The following VSIG1 variants were observed in gnomAD, a reference collection of about 807,000 sequenced individuals.
VSIG1 encodes V-set and immunoglobulin domain containing 1, also known as V-set and immunoglobulin domain-containing protein 1.
In VSIG1, 11 loss-of-function variants were observed where a neutral mutation model predicts 20.1. That is an observed-to-expected ratio of 0.55 (90% CI 0.34 to 0.91). The LOEUF is 0.91. Ranked by LOEUF, VSIG1 falls within the 40% of genes least tolerant of loss-of-function variation. VSIG1 has a pLI of 0.02. For missense variants in VSIG1, 283 were observed against 298.8 expected, an observed-to-expected ratio of 0.95 and a Z score of 0.39; for synonymous variants, 126 against 116.7, an observed-to-expected ratio of 1.08 and a Z score of -0.52.
chrX:108,061,447 C>G, intron 2 of VSIG1: 1 of 1,166,623 alleles, frequency 8.6e-7, no homozygotes, highest in East Asian at 3.3e-5. Flanking sequence ...TGCCTCAGTA[C>G]TGAGGGTATG....
chrX:108,047,881 TATATAC>T lies in VSIG1; in HGVS notation c.49+2704_49+2709del, dbSNP rs1291121540. On this transcript the variant is annotated intron_variant, in intron 1 of 6. Coordinates refer to ENST00000217957, the MANE Select transcript of VSIG1 (RefSeq NM_182607.5). ...ACACATATATATATACACATATATA[TATATAC>T]ACACATATATATATATACACATATA... Among the ~76,000 whole-genome samples, 8 of 56,028 alleles carry T rather than the reference TATATAC, an allele frequency of 1.4e-4. 1 individual carries two copies. The highest frequency in any genetic ancestry group is 2.0e-4 in the African/African-American group (2 of 9,778). 48.7% of individuals were successfully genotyped at this position (56,028 alleles called of 115,157 possible). A position where few individuals can be genotyped will look rare whatever the true frequency, so the allele number is the denominator to read the frequency against.
chrX:108,037,633 C>T, the VSIG1 span, among the ~76,000 whole-genome samples: 1 of 112,394 alleles, frequency 8.9e-6, no homozygotes, highest in African/African-American at 3.2e-5. Context: ...GACTTTAGGA[C>T]ATTTAAAAAA....
chrX:108,061,338 C>G, intron 2 of VSIG1: 1 of 646,134 alleles, frequency 1.5e-6, no homozygotes, highest in Non-Finnish European at 2.4e-6. Context: ...AGTGGTCACA[C>G]TGAGAGATTC....
the VSIG1 span, among the ~76,000 whole-genome samples, chrX:108,039,222 G>A: frequency 1.8e-5 from 2 of 111,655 alleles, no homozygotes; most frequent in Non-Finnish European, 3.8e-5. Flanking sequence ...CTCCCCAGTC[G>A]CCCAAGCTGG....
Position 108,058,174 on chromosome X carries a change from C to T in VSIG1, c.186C>T (p.Phe62=). 1 of 1,209,010 alleles carries T rather than the reference C, an allele frequency of 8.3e-7. No homozygotes were observed. The change falls in exon 2 of 7, where the codon TTC becomes TTT. Residue 62 remains phenylalanine (F), a synonymous_variant. Coordinates refer to ENST00000217957, the MANE Select transcript of VSIG1 (RefSeq NM_182607.5). ...AGCTTTCCATCCAGTGGTCTTTCTT[C>T]CATAAGAAGGAGATGGAGCCAATTT... ...REQLSIQWSF[F]HKKEMEPISI...
chrX:108,033,941 G>A, the VSIG1 span, among the ~76,000 whole-genome samples: 5 of 110,291 alleles, frequency 4.5e-5, no homozygotes, highest in Admixed American at 9.7e-5. Context: ...TTTTTAGATC[G>A]TGAGGCAGAG....
the VSIG1 span, among the ~76,000 whole-genome samples, chrX:108,035,756 T>A: frequency 9.1e-6 from 1 of 110,361 alleles, no homozygotes; most frequent in Non-Finnish European, 1.9e-5. Context: ...TGTATTTGTC[T>A]TATCTTCCCA....
At chrX:108,042,490 T>C (rs1471002441), upstream of VSIG1, among the ~76,000 whole-genome samples, 1 of 111,853 alleles carries the variant, frequency 8.9e-6, no homozygotes, top group Non-Finnish European at 1.9e-5. Flanking sequence ...CCCCTTTCAC[T>C]TTCAAAAGTG....
At chrX:108,021,207 G>T in the VSIG1 span, among the ~76,000 whole-genome samples, 1 of 111,914 alleles carries the variant, frequency 8.9e-6, no homozygotes, top group Non-Finnish European at 1.9e-5. Flanking sequence ...AAATATGGAA[G>T]TTTGATCCTC....
intron 3 of VSIG1, among the ~76,000 whole-genome samples, chrX:108,069,374 T>C (rs537560996): frequency 5.4e-5 from 6 of 111,905 alleles, no homozygotes; most frequent in African/African-American, 1.9e-4. Flanking sequence ...TTTTTGTTAA[T>C]TGGGCAAAGA....
chrX:108,050,594 A>T (rs1344634714), intron 1 of VSIG1, among the ~76,000 whole-genome samples: 1 of 112,511 alleles, frequency 8.9e-6, no homozygotes, highest in Non-Finnish European at 1.9e-5. Context: ...AAGTGCTCAT[A>T]TAGAACTGAG....
chrX:108,020,240 C>A, the VSIG1 span, among the ~76,000 whole-genome samples: 1 of 111,056 alleles, frequency 9.0e-6, no homozygotes, highest in Non-Finnish European at 1.9e-5. Context: ...TTTCAAATAG[C>A]CTGTCTTTGA....
chrX:108,057,878 T>C (rs1482619915), intron 1 of VSIG1, among the ~76,000 whole-genome samples, 160 bp from the exon 2 acceptor site: 1 of 111,944 alleles, frequency 8.9e-6, no homozygotes, highest in Admixed American at 9.4e-5. Context: ...ACTACCCCAG[T>C]GAGCCCCAAG....
chrX:108,068,171 C>T (rs751939075), intron 3 of VSIG1, among the ~76,000 whole-genome samples: 2 of 112,184 alleles, frequency 1.8e-5, no homozygotes, highest in East Asian at 5.6e-4. Flanking sequence ...CTGACATTTA[C>T]TGTGAGGTTT....
chrX:108,033,877 C>A, the VSIG1 span, among the ~76,000 whole-genome samples: 2 of 110,015 alleles, frequency 1.8e-5, no homozygotes, highest in Non-Finnish European at 3.8e-5. Context: ...AATAGTTAAT[C>A]TCACGGTTTG....
At chrX:108,030,731 G>A in the VSIG1 span, among the ~76,000 whole-genome samples, 4 of 111,405 alleles carry the variant, frequency 3.6e-5, no homozygotes, top group African/African-American at 1.3e-4. Context: ...ATCTGTAACC[G>A]CTGCAAAACT....
intron 2 of VSIG1, among the ~76,000 whole-genome samples, chrX:108,060,198 G>A (rs1202576226): frequency 9.0e-6 from 1 of 111,645 alleles, no homozygotes; most frequent in Admixed American, 9.5e-5. Flanking sequence ...TTATTTACTT[G>A]CCATTTGCTT....
At chrX:108,071,905 A>G (rs1379070516) in intron 3 of VSIG1, among the ~76,000 whole-genome samples, 3 of 109,568 alleles carry the variant, frequency 2.7e-5, no homozygotes, top group African/African-American at 9.9e-5. Context: ...AAAAAAAAAA[A>G]AAAAAGAAAA....
chrX:108,051,680 G>A (rs770248699), intron 1 of VSIG1, among the ~76,000 whole-genome samples: 2 of 111,369 alleles, frequency 1.8e-5, no homozygotes, highest in East Asian at 5.6e-4. Context: ...TTCGATGTTG[G>A]AATTATCTGA....
Sources: gnomAD v4.1 joint callset for allele counts (sites outside exome capture counted in the v4.1 genomes callset) on GRCh38, gnomAD v4.1.1 for gene constraint, MANE v1.5 for transcripts, NCBI Gene and HGNC (gene_info 2026-07-23, HGNC 2026-07-21) for gene names.